Variants in NLGN1 observed in about 807,000 individuals in gnomAD.
NLGN1 encodes neuroligin-1.
NLGN1 carries 12 observed loss-of-function variants against 65.5 expected under a neutral mutation model. The observed-to-expected ratio is 0.18, with a 90% CI of 0.12 to 0.30. NLGN1 has a LOEUF of 0.30. Among genes scored for constraint, NLGN1 ranks in the 10% least tolerant of loss-of-function variants. The probability of loss-of-function intolerance (pLI) is 1.00; values close to 1 mark genes in which losing one functional copy is unlikely to be tolerated. For missense variants in NLGN1, 750 were observed against 1,007.1 expected (o/e 0.74, Z 3.46); for synonymous variants, 350 against 359.5 (o/e 0.97, Z 0.30).
chr3:173,742,447 C>G (rs1383148211), intron 3 of NLGN1, among the ~76,000 whole-genome samples: 38 of 152,046 alleles, frequency 2.5e-4, no homozygotes, highest in Non-Finnish European at 1.0e-4. Flanking sequence ...CTACTATATT[C>G]TATACATTTT....
rs546212102 is a variant in NLGN1, at chr3:174,128,761, G to T, written c.647-146554G>T. Among the ~76,000 whole-genome samples the T allele has an allele frequency of 4.6e-5, 7 of 152,232 alleles. No homozygotes were observed. In the East Asian group the frequency reaches 1.4e-3, roughly 29 times the overall value. ...AAGGAGACACCTGCCTGGACATTCAGGAAGGCTGGGTTCTTTAGATATGGT... is the reference window on the plus strand; with the variant it reads ...AAGGAGACACCTGCCTGGACATTCATGAAGGCTGGGTTCTTTAGATATGGT... On this transcript the variant is annotated intron_variant, in intron 4 of 6. Coordinates refer to ENST00000457714, the Ensembl canonical transcript of NLGN1.
chr3:173,525,162 A>G (rs1467734069), intron 2 of NLGN1, among the ~76,000 whole-genome samples: 1 of 152,100 alleles, frequency 6.6e-6, no homozygotes, highest in Non-Finnish European at 1.5e-5. Context: ...GTTTCAGTAA[A>G]ATTGGTACCA....
At chr3:174,194,626 A>G (rs1413223445) in intron 4 of NLGN1, among the ~76,000 whole-genome samples, 2 of 151,708 alleles carry the variant, frequency 1.3e-5, no homozygotes, top group African/African-American at 4.8e-5. Flanking sequence ...TGATAAATAT[A>G]GTTATCTCAA....
intron 4 of NLGN1, among the ~76,000 whole-genome samples, chr3:173,847,084 G>A (rs186355590): frequency 4.1e-4 from 63 of 152,116 alleles, no homozygotes; most frequent in African/African-American, 1.4e-3. Context: ...GTCCAAGGTG[G>A]TTGTCTTGAA....
intron 4 of NLGN1, among the ~76,000 whole-genome samples, chr3:174,083,714 G>T (rs1385862894): frequency 2.6e-5 from 4 of 152,010 alleles, no homozygotes; most frequent in Admixed American, 2.6e-4. Flanking sequence ...CTCACTCAGA[G>T]AATTTCTTCT....
At chr3:173,720,820 C>T (rs752507638) in intron 3 of NLGN1, among the ~76,000 whole-genome samples, 10 of 152,272 alleles carry the variant, frequency 6.6e-5, no homozygotes, top group South Asian at 4.1e-4. Context: ...GAAACAAGAA[C>T]GTGATACCTG....
intron 4 of NLGN1, among the ~76,000 whole-genome samples, chr3:173,901,199 T>C (rs1560590180): frequency 6.6e-6 from 1 of 152,014 alleles, no homozygotes; most frequent in East Asian, 1.9e-4. Context: ...AATAATGCAT[T>C]AGGAGTTCAC....
rs150546628 is a variant in NLGN1 at position 174,237,961 on chromosome 3, A to G, written c.647-37354A>G. ...CATGTGGCAAAGAAGTCAGTTGCTAATAAGACTTTTAATTCCTTTGTGGAC... is the reference window on the plus strand; with the variant it reads ...CATGTGGCAAAGAAGTCAGTTGCTAGTAAGACTTTTAATTCCTTTGTGGAC... On this transcript the variant is annotated intron_variant, in intron 4 of 6. Coordinates refer to ENST00000457714, the Ensembl canonical transcript of NLGN1. Among the ~76,000 whole-genome samples the G allele has an allele frequency of 2.2e-4, 34 of 152,328 alleles. No homozygotes were observed. In the East Asian group the frequency reaches 5.2e-3, roughly 23 times the overall value.
intron 4 of NLGN1, among the ~76,000 whole-genome samples, chr3:173,906,336 G>T (rs529287303): frequency 3.9e-5 from 6 of 152,200 alleles, no homozygotes; most frequent in African/African-American, 1.4e-4. Context: ...ACTGAAATCT[G>T]ATCTCTTCTA....
chr3:173,631,605 A>G (rs1298865958), intron 3 of NLGN1, among the ~76,000 whole-genome samples: 1 of 152,154 alleles, frequency 6.6e-6, no homozygotes, highest in African/African-American at 2.4e-5. Context: ...TTAAAGTATA[A>G]CATCATTTGG....
At chr3:173,592,005 AG>A (rs1172831315) in intron 2 of NLGN1, among the ~76,000 whole-genome samples, 1 of 152,200 alleles carries the variant, frequency 6.6e-6, no homozygotes, top group African/African-American at 2.4e-5. Context: ...GTGGGATCAC[AG>A]GGTCATCAAT....
chr3:174,285,953 G>A (rs1272935420), exon 7 of NLGN1: 1 of 151,272 alleles, frequency 6.6e-6, no homozygotes, highest in African/African-American at 2.4e-5. Context: ...TTCCGGGAAA[G>A]ACTGAGGTAA....
chr3:173,685,316 A>G (rs1324381576), intron 3 of NLGN1, among the ~76,000 whole-genome samples: 2 of 152,198 alleles, frequency 1.3e-5, no homozygotes. Context: ...ATCATTCTTT[A>G]TGTATGGTTA....
In NLGN1 at chr3:174,280,819, G is replaced by A. The variant is rs1751413336; in HGVS notation, c.1988G>A (p.Ser663Asn). Residue 663 changes from serine to asparagine, a missense_variant, in exon 7 of 7, where the codon AGT becomes AAT. Physicochemically the swap from Ser to Asn is conservative, Grantham distance 46. Transcript: ENST00000457714. This position sits in a 1 kb window ranked among gnomAD's most constrained non-coding sequence, Gnocchi z 4.9. ...CAGGATGATCCCAAACAACAACCAA[G>A]TCCATTTTCAGTGGATCAAAGGGAC... 9.9e-6 allele frequency: 16 copies of A among 1,613,388 alleles called. No individual in the cohort carries two copies. Among genetic ancestry groups the A allele is most frequent in the Non-Finnish European group, 1.4e-5 (16 of 1,179,592 alleles).
chr3:173,949,734 A>G (rs1397176326), intron 4 of NLGN1, among the ~76,000 whole-genome samples: 1 of 152,212 alleles, frequency 6.6e-6, no homozygotes, highest in Non-Finnish European at 1.5e-5. Context: ...ATGAAAATTA[A>G]ATAGAACCAG....
At chr3:174,146,725 G>T (rs182419347) in intron 4 of NLGN1, among the ~76,000 whole-genome samples, 1 of 151,840 alleles carries the variant, frequency 6.6e-6, no homozygotes, top group Non-Finnish European at 1.5e-5. Context: ...CCGCCACTGC[G>T]CCGGGCTAAT....
intron 2 of NLGN1, among the ~76,000 whole-genome samples, chr3:173,455,627 A>C (rs1013320737): frequency 3.3e-5 from 5 of 151,810 alleles, no homozygotes; most frequent in African/African-American, 1.2e-4. Context: ...GGTTGCCACA[A>C]ACTTTCAATT....
Position 173,420,016 on chromosome 3 carries a change from A to AAAATAAAATAAG in NLGN1, c.-389-14994_-389-14993insAAATAAAATAAG, listed in dbSNP as rs1447149505. On this transcript the variant is annotated intron_variant, in intron 1 of 6. Coordinates refer to ENST00000457714, the Ensembl canonical transcript of NLGN1. ...ATAAAATAAAGTAAAATAAAATAAT[A>AAAATAAAATAAG]GTGACCCCTGACCTTTTTTGTTTTC... is the stretch of plus-strand genomic sequence containing the variant. Among the ~76,000 whole-genome samples the AAAATAAAATAAG allele has an allele frequency of 1.3e-3, 194 of 151,754 alleles. 1 individual carries two copies. The highest frequency in any genetic ancestry group is 4.5e-3 in the African/African-American group (188 of 41,370).
chr3:174,224,437 G>A (rs1010245231), intron 4 of NLGN1, among the ~76,000 whole-genome samples: 3 of 152,288 alleles, frequency 2.0e-5, no homozygotes, highest in African/African-American at 4.8e-5. Flanking sequence ...GATGGCTCAC[G>A]CCTGCAATCC....
Sources: allele counts gnomAD v4.1 joint callset (sites outside exome capture counted in the v4.1 genomes callset), GRCh38; gene constraint gnomAD v4.1.1; non-coding constraint Gnocchi (gnomAD v3.1); transcripts MANE v1.5; gene names NCBI Gene and HGNC (gene_info 2026-07-23, HGNC 2026-07-21).